SPATA6: variants seen among roughly 807,000 people sequenced by gnomAD.
SPATA6 encodes spermatogenesis-associated protein 6.
In SPATA6, 56 loss-of-function variants were observed where a neutral mutation model predicts 65.3. That is an observed-to-expected ratio of 0.86 (90% CI 0.69 to 1.07). The LOEUF is 1.07. SPATA6 is among the 50% of genes least tolerant of loss of function. The probability of loss-of-function intolerance (pLI) is 0.00; values close to 1 mark genes in which losing one functional copy is unlikely to be tolerated. For synonymous variants in SPATA6, 199 were observed against 213.2 expected (o/e 0.93, Z 0.58); for missense variants, 590 against 594.8 (o/e 0.99, Z 0.08).
intron 9 of SPATA6, among the ~76,000 whole-genome samples, chr1:48,365,291 T>G (rs1012269291): frequency 6.6e-6 from 1 of 152,226 alleles, no homozygotes; most frequent in African/African-American, 2.4e-5. Flanking sequence ...GGCTCTTTTT[T>G]GGTTCCATAT....
the SPATA6 span, among the ~76,000 whole-genome samples, chr1:48,288,768 C>T: frequency 4.6e-5 from 7 of 152,174 alleles, no homozygotes; most frequent in South Asian, 2.1e-4. Flanking sequence ...AGTCTGAGAT[C>T]GAACTGCAAG....
At chr1:48,436,880 G>C in intron 3 of SPATA6, 1 of 1,611,888 alleles carries the variant, frequency 6.2e-7, no homozygotes, top group Non-Finnish European at 8.5e-7. Flanking sequence ...AAAAATTCCC[G>C]GTCAGGTGTA....
Position 48,386,975 on chromosome 1 carries a change from T to A in SPATA6, c.869-1626A>T, listed in dbSNP as rs571334014. Among the ~76,000 whole-genome samples, 3 of 152,308 alleles carry A rather than the reference T, an allele frequency of 2.0e-5. 1 individual carries two copies. Among genetic ancestry groups the A allele is most frequent in the Admixed American group, 1.3e-4 (2 of 15,300 alleles). ...TATTAGTCCATTTTTACACTGCCGA[T>A]AAAGACATACCTGAGAATGGGCAAT... On this transcript the variant is annotated intron_variant, in intron 8 of 12. Transcript: ENST00000371847.
intron 11 of SPATA6, among the ~76,000 whole-genome samples, chr1:48,345,104 T>C (rs1646327311): frequency 6.6e-6 from 1 of 152,106 alleles, no homozygotes; most frequent in South Asian, 2.1e-4. Flanking sequence ...TATTCTAAAA[T>C]TCATCACATA....
chr1:48,428,238 TG>T (rs994940359), intron 3 of SPATA6, among the ~76,000 whole-genome samples: 7 of 152,128 alleles, frequency 4.6e-5, no homozygotes, highest in Admixed American at 2.6e-4. Context: ...GCAGATCACC[TG>T]AAGTCAGGAA....
At chr1:48,422,194 A>G (rs958142052) in intron 3 of SPATA6, among the ~76,000 whole-genome samples, 36 of 152,350 alleles carry the variant, frequency 2.4e-4, no homozygotes, top group African/African-American at 8.4e-4. Context: ...AAAGCAGACC[A>G]ATCATTCTAA....
chr1:48,446,873 C>T (rs2148133759), intron 3 of SPATA6, among the ~76,000 whole-genome samples: 1 of 152,072 alleles, frequency 6.6e-6, no homozygotes, highest in South Asian at 2.1e-4. Context: ...CAGCAAAATA[C>T]AGTTGACCTT....
At chr1:48,444,696 G>A (rs1218030065) in intron 3 of SPATA6, among the ~76,000 whole-genome samples, 2 of 152,228 alleles carry the variant, frequency 1.3e-5, no homozygotes, top group Admixed American at 6.5e-5. Flanking sequence ...CCATGCTGTG[G>A]AAGCTTTGTT....
intron 11 of SPATA6, among the ~76,000 whole-genome samples, chr1:48,324,041 C>T (rs1292819554): frequency 6.6e-6 from 1 of 152,126 alleles, no homozygotes; most frequent in Non-Finnish European, 1.5e-5. Context: ...CCTCGACTGC[C>T]AGGGCTCAAG....
chr1:48,282,566 C>T, the SPATA6 span, among the ~76,000 whole-genome samples: 10 of 152,090 alleles, frequency 6.6e-5, no homozygotes, highest in Non-Finnish European at 1.3e-4. Context: ...TTTATGCAGC[C>T]ACAAAACACA....
chr1:48,423,567 T>TC (rs201266066), intron 3 of SPATA6, among the ~76,000 whole-genome samples: 32,778 of 125,534 alleles, frequency 0.26, 3,415 homozygotes, highest in Middle Eastern at 0.38. Flanking sequence ...TTTCTTTCTT[T>TC]TTTTTTTTTT....
intron 9 of SPATA6, among the ~76,000 whole-genome samples, chr1:48,382,719 C>A (rs1426097697): frequency 7.8e-5 from 7 of 89,594 alleles, no homozygotes; most frequent in Non-Finnish European, 1.4e-4. Context: ...GGCAGAGGCG[C>A]CCCTCACCTC....
At chr1:48,271,141 T>C in the SPATA6 span, among the ~76,000 whole-genome samples, 2 of 152,118 alleles carry the variant, frequency 1.3e-5, no homozygotes, top group South Asian at 4.1e-4. Context: ...CATTGAAATA[T>C]AAGGTGCTCA....
intron 8 of SPATA6, among the ~76,000 whole-genome samples, chr1:48,388,119 C>T (rs955978858): frequency 6.6e-6 from 1 of 152,174 alleles, no homozygotes. Flanking sequence ...GCCACCACTG[C>T]GACCCAAAGA....
At chr1:48,267,350 G>A in the SPATA6 span, among the ~76,000 whole-genome samples, 1 of 152,178 alleles carries the variant, frequency 6.6e-6, no homozygotes, top group African/African-American at 2.4e-5. Context: ...TAATCAGCTC[G>A]ATTAGACTCT....
intron 3 of SPATA6, among the ~76,000 whole-genome samples, chr1:48,423,957 A>T (rs183588237): frequency 4.2e-4 from 64 of 152,312 alleles, no homozygotes; most frequent in African/African-American, 1.5e-3. Flanking sequence ...CATCATGAAG[A>T]ATGGGGTATC....
chr1:48,284,300 A>C, the SPATA6 span, among the ~76,000 whole-genome samples: 5 of 152,138 alleles, frequency 3.3e-5, no homozygotes, highest in African/African-American at 1.2e-4. Context: ...GTTCTTCTTT[A>C]AACTGGTTAT....
rs191215949 is a variant in SPATA6, at chr1:48,365,653, G to A, written c.910-5883C>T. Among the ~76,000 whole-genome samples the A allele has an allele frequency of 2.3e-4, 35 of 152,270 alleles. No homozygotes were observed. The East Asian group carries it at 6.6e-3, about 29-fold the overall frequency. On this transcript the variant is annotated intron_variant, in intron 9 of 12. Coordinates refer to ENST00000371847, the MANE Select transcript of SPATA6 (RefSeq NM_019073.4). ...TTTTTGTACATTGATTTTGTATCCT[G>A]AGACTGCTGGAGTTGCTTAACAGCT...
At chr1:48,334,827 A>G (rs1430265313) in intron 11 of SPATA6, among the ~76,000 whole-genome samples, 1 of 152,154 alleles carries the variant, frequency 6.6e-6, no homozygotes, top group Non-Finnish European at 1.5e-5. Context: ...CCAAATAAGA[A>G]AAGAAGTAGT....
Sources: gnomAD v4.1 joint callset for allele counts (sites outside exome capture counted in the v4.1 genomes callset) on GRCh38, gnomAD v4.1.1 for gene constraint, MANE v1.5 for transcripts, NCBI Gene and HGNC (gene_info 2026-07-23, HGNC 2026-07-21) for gene names.